The following GNG7 variants were observed in gnomAD, a reference collection of about 807,000 sequenced individuals.
The protein encoded by GNG7 is guanine nucleotide-binding protein G(I)/G(S)/G(O) subunit gamma-7.
Under a neutral mutation model 4.0 loss-of-function variants are expected in GNG7, and 1 was observed. The ratio of observed to expected loss-of-function variants is 0.25; its 90% confidence interval spans 0.09 to 1.18. The LOEUF (loss-of-function observed/expected upper bound fraction) is 1.18, where lower values mean the gene tolerates loss of function less well. GNG7 is among the 50% of genes most tolerant of loss of function. GNG7 has a pLI of 0.50. For missense variants in GNG7, 86 were observed against 91.9 expected (o/e 0.94, Z 0.26); for synonymous variants, 34 against 36.9 (o/e 0.92, Z 0.29).
intron 2 of GNG7, among the ~76,000 whole-genome samples, chr19:2,576,257 G>A (rs534920150): frequency 5.9e-5 from 9 of 152,356 alleles, no homozygotes; most frequent in African/African-American, 1.2e-4. Context: ...CGTGCAGCCC[G>A]GACGGCCCCA....
intron 2 of GNG7, among the ~76,000 whole-genome samples, chr19:2,598,791 ATTCT>A (rs558207236): frequency 8.8e-4 from 133 of 151,916 alleles, no homozygotes; most frequent in African/African-American, 3.1e-3. Context: ...TGCCACCGTT[ATTCT>A]TTCTAAGGAG....
intron 1 of GNG7, among the ~76,000 whole-genome samples, chr19:2,679,348 G>A (rs12610592): frequency 0.27 from 40,757 of 151,922 alleles, 5,915 homozygotes; most frequent in East Asian, 0.56. Flanking sequence ...ACCACACCCA[G>A]CCAATACTAA....
At chr19:2,663,856 G>A (rs1404172355) in intron 1 of GNG7, among the ~76,000 whole-genome samples, 1 of 152,160 alleles carries the variant, frequency 6.6e-6, no homozygotes, top group Non-Finnish European at 1.5e-5. Context: ...TTAAACTGGG[G>A]CTTGATTATT....
At chr19:2,623,838 A>T (rs57497006) in intron 2 of GNG7, among the ~76,000 whole-genome samples, 6,166 of 151,472 alleles carry the variant, frequency 0.041, 145 homozygotes, top group Middle Eastern at 0.089. Context: ...CCGAGGTCGC[A>T]CCGCTGCACT....
In GNG7 at chr19:2,611,984, C is replaced by G. The variant is rs973851246; in HGVS notation, c.-78+34240G>C. 1 of 152,016 alleles carries G rather than the reference C, an allele frequency of 6.6e-6. No homozygotes were observed. Among genetic ancestry groups the G allele is most frequent in the East Asian group, 1.9e-4 (1 of 5,170 alleles). The allele number at this position is 152,016 out of a possible 1,614,324, so 9.4% of individuals were successfully genotyped here. On this transcript the variant is annotated intron_variant, in intron 2 of 4. Coordinates refer to ENST00000382159, the MANE Select transcript of GNG7 (RefSeq NM_052847.3). This position sits in a 1 kb window ranked among gnomAD's most constrained non-coding sequence, Gnocchi z 6.0. ...CGCCTCCCGAGTTTAAGCGATTCTC[C>G]TGCTTCAGCCTCCCCAAGTAGCTGG...
At chr19:2,647,439 T>C (rs1982695349) in intron 1 of GNG7, among the ~76,000 whole-genome samples, 1 of 152,164 alleles carries the variant, frequency 6.6e-6, no homozygotes. Context: ...CAAACTCTGC[T>C]CTGTGCTCCA....
intron 2 of GNG7, among the ~76,000 whole-genome samples, chr19:2,603,655 G>T (rs1041249586): frequency 8.5e-5 from 13 of 152,154 alleles, no homozygotes; most frequent in African/African-American, 2.4e-4. Context: ...CAACCATCTG[G>T]AGAATGCAGG....
intron 2 of GNG7, among the ~76,000 whole-genome samples, chr19:2,615,629 A>ATTTTTTTTTTTTTTTTTTTT (rs1195029403): frequency 1.3e-5 from 2 of 149,412 alleles, no homozygotes; most frequent in Non-Finnish European, 3.0e-5. Context: ...CGCCTGGCTA[A>ATTTTTTTTTTTTTTTTTTTT]TTTTTTTGTA....
At chr19:2,607,422 G>A (rs1981420589) in intron 2 of GNG7, among the ~76,000 whole-genome samples, 2 of 149,872 alleles carry the variant, frequency 1.3e-5, no homozygotes, top group Non-Finnish European at 3.0e-5. Context: ...CCAGCTACTT[G>A]GGAGGCTGAG....
intron 2 of GNG7, chr19:2,610,274 C>G (rs895136218): frequency 9.2e-5 from 14 of 151,698 alleles, no homozygotes; most frequent in African/African-American, 3.1e-4. Flanking sequence ...AATACTCCTG[C>G]CTCAGCCTCC....
intron 1 of GNG7, among the ~76,000 whole-genome samples, chr19:2,697,485 G>C (rs1318824617): frequency 6.6e-6 from 1 of 152,304 alleles, no homozygotes; most frequent in East Asian, 1.9e-4. Flanking sequence ...ACACTCATCG[G>C]TAGGGTCTCC....
Position 2,551,715 on chromosome 19 carries a change from G to A in GNG7, c.-38+3434C>T, listed in dbSNP as rs906728122. ...CACACATATTTTGAGACAGAGTCTCGCTCTGGCCCCCAGGCTGGAGTGCAA... is the reference window on the plus strand; with the variant it reads ...CACACATATTTTGAGACAGAGTCTCACTCTGGCCCCCAGGCTGGAGTGCAA... On this transcript the variant is annotated intron_variant, in intron 3 of 4. Transcript: ENST00000382159. 2.2e-4 allele frequency among the ~76,000 whole-genome samples: 20 copies of A among 89,086 alleles called. No individual in the cohort carries two copies. The East Asian group carries it at 5.8e-3, about 26-fold the overall frequency. The allele number at this position is 89,086 out of a possible 152,430, so 58.4% of individuals were successfully genotyped here. A position where few individuals can be genotyped will look rare whatever the true frequency, so the allele number is the denominator to read the frequency against.
intron 2 of GNG7, among the ~76,000 whole-genome samples, chr19:2,621,581 C>G (rs957248068): frequency 8.6e-5 from 13 of 152,038 alleles, no homozygotes; most frequent in Middle Eastern, 3.4e-3. Context: ...CCTGTAATCC[C>G]AGCTACTCGG....
chr19:2,639,362 C>T (rs943440183), intron 2 of GNG7, among the ~76,000 whole-genome samples: 16 of 151,972 alleles, frequency 1.1e-4, no homozygotes, highest in African/African-American at 3.1e-4. Flanking sequence ...CCTGAGACGC[C>T]GGAACAGAAA....
chr19:2,561,334 C>A (rs73918009), intron 2 of GNG7, among the ~76,000 whole-genome samples: 1 of 151,968 alleles, frequency 6.6e-6, no homozygotes, highest in Non-Finnish European at 1.5e-5. Flanking sequence ...TGTTCAGCAC[C>A]CTGCAGTGCC....
rs569969881 is a variant in GNG7 at position 2,598,596 on chromosome 19, G to T, written c.-77-43408C>A. On this transcript the variant is annotated intron_variant, in intron 2 of 4. Transcript: ENST00000382159. ...GGTGTGAACCCAGGAGGCAGAGCTT[G>T]CAGTGAGCTGAGATCGCGCCACTGC... Among the ~76,000 whole-genome samples, 5 of 151,794 alleles carry T rather than the reference G, an allele frequency of 3.3e-5. No individual in the cohort carries two copies. The South Asian group carries it at 6.2e-4, about 19-fold the overall frequency.
intron 1 of GNG7, among the ~76,000 whole-genome samples, chr19:2,659,763 G>T (rs976898555): frequency 1.6e-5 from 2 of 121,842 alleles, no homozygotes; most frequent in Admixed American, 9.2e-5. Flanking sequence ...AGGAAGGAAG[G>T]AAGGGAGGGA....
chr19:2,525,059 G>A (rs1035601600), intron 3 of GNG7, among the ~76,000 whole-genome samples: 7 of 152,176 alleles, frequency 4.6e-5, no homozygotes, highest in Non-Finnish European at 8.8e-5. Flanking sequence ...CATGCCCCCA[G>A]CAGAGGACTA....
chr19:2,557,538 C>T lies in GNG7; in HGVS notation c.-77-2350G>A, dbSNP rs1454815621. On this transcript the variant is annotated intron_variant, in intron 2 of 4. Coordinates refer to ENST00000382159, the MANE Select transcript of GNG7 (RefSeq NM_052847.3). This position sits in a 1 kb window ranked among gnomAD's most constrained non-coding sequence, Gnocchi z 5.1. ...AAAAGACTCAGAGGCTCCGCCTGGC[C>T]GGGTCAGCGAATGGAGTTGTAGCAC... Among the ~76,000 whole-genome samples, 3 of 152,190 alleles carry T rather than the reference C, an allele frequency of 2.0e-5. No individual in the cohort carries two copies. The highest frequency in any genetic ancestry group is 7.2e-5 in the African/African-American group (3 of 41,448).
Sources: gnomAD v4.1 joint callset for allele counts (sites outside exome capture counted in the v4.1 genomes callset) on GRCh38, gnomAD v4.1.1 for gene constraint, Gnocchi (gnomAD v3.1) non-coding constraint, MANE v1.5 for transcripts, NCBI Gene and HGNC (gene_info 2026-07-23, HGNC 2026-07-21) for gene names.